Variants in TTLL11 observed in about 807,000 individuals in gnomAD.
TTLL11 encodes tubulin tyrosine ligase like 11, also known as tubulin polyglutamylase TTLL11.
In TTLL11, 42 loss-of-function variants were observed where a neutral mutation model predicts 51.7. That is an observed-to-expected ratio of 0.81 (90% CI 0.64 to 1.05). TTLL11 has a LOEUF of 1.05. Among genes scored for constraint, TTLL11 ranks in the 50% least tolerant of loss-of-function variants. The pLI is 0.00. For synonymous variants in TTLL11, 381 were observed against 383.5 expected (o/e 0.99, Z 0.08); for missense variants, 799 against 940.4 (o/e 0.85, Z 1.97).
At chr9:121,826,513 A>ATATATGTGTG (rs1564260406) in intron 8 of TTLL11, among the ~76,000 whole-genome samples, 3 of 89,166 alleles carry the variant, frequency 3.4e-5, no homozygotes, top group South Asian at 3.7e-4. Flanking sequence ...ATATATATAT[A>ATATATGTGTG]TGTATATATA....
At chr9:121,828,963 T>A (rs1836909750) in intron 8 of TTLL11, among the ~76,000 whole-genome samples, 1 of 146,776 alleles carries the variant, frequency 6.8e-6, no homozygotes, top group African/African-American at 2.5e-5. Flanking sequence ...GACCCTGTAT[T>A]TTTTTTTTTT....
rs142383596 is a variant in TTLL11 at position 121,933,610 on chromosome 9, T to G, written c.1481+40399A>C. Among the ~76,000 whole-genome samples the G allele has an allele frequency of 1.8e-4, 27 of 152,348 alleles. No homozygotes were observed. The East Asian group carries it at 4.8e-3, about 27-fold the overall frequency. ...AAGGCAGGAAAAATATTCACTCATT[T>G]AAAAACAACAATAATAAATCCATTA... On this transcript the variant is annotated intron_variant, in intron 6 of 8. Transcript: ENST00000321582.
At chr9:121,909,899 T>C (rs2003251) in intron 6 of TTLL11, among the ~76,000 whole-genome samples, 32,276 of 152,014 alleles carry the variant, frequency 0.21, 4,060 homozygotes, top group African/African-American at 0.33. Context: ...AGGAGGAATG[T>C]CTGCAAAGGA....
At chr9:121,985,048 A>C (rs911994929) in intron 4 of TTLL11, among the ~76,000 whole-genome samples, 1 of 152,194 alleles carries the variant, frequency 6.6e-6, no homozygotes, top group African/African-American at 2.4e-5. Flanking sequence ...AGTGCCCGCA[A>C]CTGCTCTGTG....
At chr9:122,004,576 C>A (rs1843580838) in intron 3 of TTLL11, among the ~76,000 whole-genome samples, 1 of 152,196 alleles carries the variant, frequency 6.6e-6, no homozygotes, top group Admixed American at 6.5e-5. Flanking sequence ...TGGTCTCAAA[C>A]TCCTGACCTC....
rs187920909 is a variant in TTLL11, at chr9:121,817,443, G to A, written c.*5144C>T. ...GAAGATAACACTACGTTTGAGCAGC[G>A]CCTTCGTTTACAAAACACTTTCACA... On this transcript the variant is annotated 3_prime_UTR_variant, in exon 9 of 9. Coordinates refer to ENST00000321582, the MANE Select transcript of TTLL11 (RefSeq NM_001139442.2). The A allele has an allele frequency of 1.3e-5, 2 of 152,292 alleles. No individual in the cohort carries two copies. The highest frequency in any genetic ancestry group is 1.9e-4 in the East Asian group (1 of 5,176). 9.4% of individuals were successfully genotyped at this position (152,292 alleles called of 1,614,324 possible).
At chr9:122,011,252 C>T (rs1435480485) in intron 3 of TTLL11, among the ~76,000 whole-genome samples, 1 of 152,124 alleles carries the variant, frequency 6.6e-6, no homozygotes, top group African/African-American at 2.4e-5. Flanking sequence ...TCCATTAAAC[C>T]TCTTTTTCTT....
intron 1 of TTLL11, among the ~76,000 whole-genome samples, chr9:122,091,000 G>A (rs1173570631): frequency 6.6e-6 from 1 of 152,120 alleles, no homozygotes; most frequent in Non-Finnish European, 1.5e-5. Flanking sequence ...AAGTCCTTGG[G>A]GGCAAGGGTC....
chr9:122,069,533 T>A (rs1845675640), intron 1 of TTLL11, among the ~76,000 whole-genome samples: 1 of 152,062 alleles, frequency 6.6e-6, no homozygotes, highest in Non-Finnish European at 1.5e-5. Flanking sequence ...AATACAAAAA[T>A]TATCTGGGTG....
At position 121,995,557 on chromosome 9, in the gene TTLL11, G is replaced by A. The variant is rs1843229234; in HGVS notation, c.694-5787C>T. Among the ~76,000 whole-genome samples the A allele has an allele frequency of 6.6e-6, 1 of 152,112 alleles. No individual in the cohort carries two copies. Among genetic ancestry groups the A allele is most frequent in the African/African-American group, 2.4e-5 (1 of 41,410 alleles). On this transcript the variant is annotated intron_variant, in intron 3 of 8. Transcript: ENST00000321582. The surrounding 1 kb of genome is among the most constrained non-coding windows in gnomAD (Gnocchi z 4.4). ...GTTTGGGACTTCAGCAATTTTGGGA[G>A]GGGTGATGTTACCATTAACAGATTT...
chr9:121,824,501 A>G (rs1482747236), intron 8 of TTLL11, among the ~76,000 whole-genome samples: 3 of 151,370 alleles, frequency 2.0e-5, no homozygotes, highest in African/African-American at 7.3e-5. Flanking sequence ...AAAAGAAAAG[A>G]AAAAAAGAAA....
chr9:121,851,977 C>T (rs115739565), intron 8 of TTLL11, among the ~76,000 whole-genome samples: 3,695 of 152,164 alleles, frequency 0.024, 82 homozygotes, highest in African/African-American at 0.068. Flanking sequence ...ATTTGAGGGC[C>T]GGGACGGGGC....
chr9:121,854,812 C>T (rs979632658), intron 8 of TTLL11, among the ~76,000 whole-genome samples: 1 of 151,960 alleles, frequency 6.6e-6, no homozygotes, highest in African/African-American at 2.4e-5. Context: ...TATTTGAATT[C>T]TGGGCAATGA....
At chr9:121,847,401 G>C (rs1793490832) in intron 8 of TTLL11, among the ~76,000 whole-genome samples, 1 of 151,828 alleles carries the variant, frequency 6.6e-6, no homozygotes, top group Non-Finnish European at 1.5e-5. Flanking sequence ...AACAGAGAAA[G>C]AGAAAAGGTT....
chr9:121,839,634 C>A (rs113461413), intron 8 of TTLL11, among the ~76,000 whole-genome samples: 1,546 of 152,304 alleles, frequency 0.01, 26 homozygotes, highest in African/African-American at 0.034. Context: ...TCATGGAGGG[C>A]TGCGGCTCAG....
intron 1 of TTLL11, among the ~76,000 whole-genome samples, chr9:122,057,882 C>CG (rs1387385199): frequency 2.6e-5 from 4 of 152,228 alleles, no homozygotes; most frequent in African/African-American, 9.6e-5. Flanking sequence ...CTTAGTCTCT[C>CG]ATTCAAGCCC....
At position 121,922,760 on chromosome 9, in the gene TTLL11, A is replaced by AGTGTGTGTGTGTGT. The variant is rs71370699; in HGVS notation, c.1481+51235_1481+51248dup. Reference sequence around the variant, plus strand: ...TAGCGCAAAGGGTCAATATCTATTCAGTGTGTGTGTGTGTGTGTGTGTGTG... The same window carrying AGTGTGTGTGTGTGT: ...TAGCGCAAAGGGTCAATATCTATTCAGTGTGTGTGTGTGTGTGTGTGTGTGTGTGTGTGTGTGTG... On this transcript the variant is annotated intron_variant, in intron 6 of 8. Coordinates refer to ENST00000321582, the MANE Select transcript of TTLL11 (RefSeq NM_001139442.2). Among the ~76,000 whole-genome samples, 584 of 148,312 alleles carry AGTGTGTGTGTGTGT rather than the reference A, an allele frequency of 3.9e-3. 4 individuals are homozygous for AGTGTGTGTGTGTGT. Among genetic ancestry groups the AGTGTGTGTGTGTGT allele is most frequent in the East Asian group, 0.014 (70 of 5,042 alleles).
At chr9:122,040,497 G>C in intron 1 of TTLL11, 1 of 808,874 alleles carries the variant, frequency 1.2e-6, no homozygotes, top group Non-Finnish European at 1.5e-6. Context: ...AAGGAGAAAA[G>C]AGAGGCCATG....
chr9:122,001,570 C>T (rs764354856), intron 3 of TTLL11, among the ~76,000 whole-genome samples: 25 of 152,072 alleles, frequency 1.6e-4, no homozygotes, highest in Non-Finnish European at 3.4e-4. Flanking sequence ...GGGTCAAGGT[C>T]GCCAAGATGG....
Sources: allele counts gnomAD v4.1 joint callset (sites outside exome capture counted in the v4.1 genomes callset), GRCh38; gene constraint gnomAD v4.1.1; non-coding constraint Gnocchi (gnomAD v3.1); transcripts MANE v1.5; gene names NCBI Gene and HGNC (gene_info 2026-07-23, HGNC 2026-07-21).